Variants in COL21A1 observed in about 807,000 individuals in gnomAD.
COL21A1 encodes collagen type XXI alpha 1 chain.
In COL21A1, 149 loss-of-function variants were observed where a neutral mutation model predicts 137.9. The observed-to-expected ratio is 1.08, with a 90% confidence interval of 0.95 to 1.24. The LOEUF (loss-of-function observed/expected upper bound fraction) is 1.24. COL21A1 is among the 50% of genes most tolerant of loss of function. COL21A1 has a pLI of 0.00. For missense variants in COL21A1, 1,167 were observed against 1,158.4 expected (o/e 1.01, Z -0.11); for synonymous variants, 456 against 391.5 (o/e 1.16, Z -1.95).
At chr6:56,213,503 G>C (rs1220777866) in intron 1 of COL21A1, among the ~76,000 whole-genome samples, 3 of 152,020 alleles carry the variant, frequency 2.0e-5, no homozygotes, top group Non-Finnish European at 4.4e-5. Context: ...ACCTAGCCTT[G>C]CTTAGCCACA....
At position 56,125,582 on chromosome 6, in the gene COL21A1, T is replaced by C. The variant is rs1374382192; in HGVS notation, c.1635A>G (p.Gly545=). ...CTATACTTCCCTTTTTGCCATAAAA[T>C]CCAGGTGATCCTTTGTCTCCTTTGG... ...MGAKGDKGSP[G]FYGKKGAKGE... The change falls in exon 14 of 30, where the codon GGA becomes GGG. Residue 545 remains glycine (G), a synonymous_variant. Coordinates refer to ENST00000244728, the MANE Select transcript of COL21A1 (RefSeq NM_030820.4). 1.2e-6 allele frequency: 2 copies of C among 1,601,818 alleles called. No individual in the cohort carries two copies. Among genetic ancestry groups the C allele is most frequent in the Admixed American group, 3.4e-5 (2 of 59,626 alleles).
intron 23 of COL21A1, among the ~76,000 whole-genome samples, chr6:56,065,853 T>G (rs1041403998): frequency 6.6e-6 from 1 of 151,880 alleles, no homozygotes; most frequent in Non-Finnish European, 1.5e-5. Flanking sequence ...GCTTAGCTAT[T>G]TTATGCAAGT....
intron 17 of COL21A1, among the ~76,000 whole-genome samples, chr6:56,083,636 A>G (rs1267086423): frequency 6.6e-6 from 1 of 151,956 alleles, no homozygotes; most frequent in African/African-American, 2.4e-5. Flanking sequence ...ATATCTGAGG[A>G]CCAGATAGTT....
chr6:56,272,786 C>A (rs955031133), intron 1 of COL21A1, among the ~76,000 whole-genome samples: 1 of 152,122 alleles, frequency 6.6e-6, no homozygotes, highest in Non-Finnish European at 1.5e-5. Context: ...CTCTCTCCTG[C>A]TGCCTTGTGA....
chr6:56,162,158 T>C (rs140988151), intron 9 of COL21A1, among the ~76,000 whole-genome samples: 103 of 152,306 alleles, frequency 6.8e-4, no homozygotes, highest in African/African-American at 2.2e-3. Flanking sequence ...ACTTAGAGTG[T>C]TGCTAGGGAT....
chr6:56,093,235 G>A (rs1399967841), intron 17 of COL21A1, among the ~76,000 whole-genome samples: 1 of 151,896 alleles, frequency 6.6e-6, no homozygotes, highest in Non-Finnish European at 1.5e-5. Context: ...CTACCCTCTG[G>A]CCTTCAAAGA....
chr6:56,142,784 T>G (rs1409025607), intron 10 of COL21A1, among the ~76,000 whole-genome samples: 1 of 152,240 alleles, frequency 6.6e-6, no homozygotes, highest in African/African-American at 2.4e-5. Context: ...GTTCCATCTT[T>G]CTCACATTCT....
At chr6:56,267,118 T>C (rs1027220444) in intron 1 of COL21A1, among the ~76,000 whole-genome samples, 1 of 152,214 alleles carries the variant, frequency 6.6e-6, no homozygotes, top group African/African-American at 2.4e-5. Flanking sequence ...GCTTCACATT[T>C]CTTAAAATAC....
At chr6:56,393,604 A>G (rs1208400287) in intron 1 of COL21A1, among the ~76,000 whole-genome samples, 1 of 152,254 alleles carries the variant, frequency 6.6e-6, no homozygotes, top group African/African-American at 2.4e-5. Context: ...ACTTGGAAAG[A>G]CAAAATAGTG....
chr6:56,277,168 A>G lies in COL21A1; in HGVS notation c.-38-94512T>C, dbSNP rs553738305. On this transcript the variant is annotated intron_variant, in intron 1 of 28. Coordinates refer to the COL21A1 transcript ENST00000370819. ...TTTGTTTTGTTTTGTTTTATACTTT[A>G]AGTTCTAGGGTACATGTGCACAATG... Among the ~76,000 whole-genome samples, 11 of 151,890 alleles carry G rather than the reference A, an allele frequency of 7.2e-5. No homozygotes were observed. In the East Asian group the frequency reaches 2.1e-3, roughly 29 times the overall value.
At chr6:56,246,832 A>C (rs985265300) in intron 1 of COL21A1, among the ~76,000 whole-genome samples, 5 of 151,842 alleles carry the variant, frequency 3.3e-5, no homozygotes, top group African/African-American at 1.2e-4. Flanking sequence ...TGCACTTTGG[A>C]ATCACCTGAC....
intron 14 of COL21A1, among the ~76,000 whole-genome samples, chr6:56,124,676 C>G (rs966718265): frequency 1.2e-4 from 19 of 152,160 alleles, no homozygotes; most frequent in African/African-American, 4.3e-4. Context: ...GAGTCTCACT[C>G]TGTTGCCCAG....
intron 1 of COL21A1, among the ~76,000 whole-genome samples, chr6:56,371,227 A>G (rs1376250790): frequency 1.3e-5 from 2 of 152,340 alleles, no homozygotes; most frequent in Non-Finnish European, 2.9e-5. Context: ...TCAGTTCTTC[A>G]GCATCTGCTA....
At chr6:56,074,865 G>C (rs1212196877) in intron 19 of COL21A1, among the ~76,000 whole-genome samples, 1 of 150,952 alleles carries the variant, frequency 6.6e-6, no homozygotes, top group Non-Finnish European at 1.5e-5. Flanking sequence ...ACTTTACAAA[G>C]GAAAAGGGAT....
chr6:56,205,530 G>C (rs1379612276), intron 1 of COL21A1, among the ~76,000 whole-genome samples: 1 of 152,140 alleles, frequency 6.6e-6, no homozygotes, highest in African/African-American at 2.4e-5. Flanking sequence ...GAAAGTGATG[G>C]GGAGAATGGA....
At chr6:56,307,529 G>A (rs909427458) in intron 1 of COL21A1, among the ~76,000 whole-genome samples, 1 of 152,204 alleles carries the variant, frequency 6.6e-6, no homozygotes. Context: ...AGCCAGGCAC[G>A]GGATATAATC....
intron 1 of COL21A1, among the ~76,000 whole-genome samples, chr6:56,277,348 G>A (rs1327490398): frequency 6.6e-6 from 1 of 151,974 alleles, no homozygotes; most frequent in Non-Finnish European, 1.5e-5. Flanking sequence ...CCTGTGTCCA[G>A]GTTTTCTCAT....
intron 1 of COL21A1, among the ~76,000 whole-genome samples, chr6:56,224,031 T>A: frequency 6.6e-6 from 1 of 152,042 alleles, no homozygotes; most frequent in East Asian, 1.9e-4. Context: ...ATAAGAAAGG[T>A]AATTTTTTCC....
chr6:56,070,567 T>TA (rs2114093501), intron 21 of COL21A1, among the ~76,000 whole-genome samples, 178 bp downstream of exon 21: 1 of 151,650 alleles, frequency 6.6e-6, no homozygotes, highest in South Asian at 2.1e-4. Context: ...ACAAAGTATC[T>TA]AAAAAACAGA....
Sources: allele counts gnomAD v4.1 joint callset (sites outside exome capture counted in the v4.1 genomes callset), GRCh38; gene constraint gnomAD v4.1.1; transcripts MANE v1.5; gene names NCBI Gene and HGNC (gene_info 2026-07-23, HGNC 2026-07-21).